PCNT: variants seen among roughly 807,000 people sequenced by gnomAD.
PCNT encodes the protein kendrin.
A neutral mutation model predicts 380.4 loss-of-function variants in PCNT; 319 were observed. The ratio of observed to expected loss-of-function variants is 0.84; its 90% confidence interval spans 0.77 to 0.92. The LOEUF is 0.92. Ranked by LOEUF, PCNT falls within the 40% of genes least tolerant of loss-of-function variation. PCNT has a pLI of 0.00. For synonymous variants in PCNT, 1,845 were observed against 1,735.2 expected (o/e 1.06, Z -1.57); for missense variants, 4,400 against 4,255.3 (o/e 1.03, Z -0.95).
intron 26 of PCNT, 73 bp downstream of exon 26, chr21:46,401,794 G>C: frequency 7.1e-7 from 1 of 1,406,300 alleles, no homozygotes; most frequent in Non-Finnish European, 1.0e-6. Context: ...TGGCAGATCC[G>C]ATGTCCAGAT....
chr21:46,415,951 C>T (rs1602026692), intron 29 of PCNT, 118 bp from the exon 30 acceptor site: 4 of 871,704 alleles, frequency 4.6e-6, no homozygotes, highest in South Asian at 2.8e-5. Context: ...GTGCAGGGCT[C>T]ATTGTGGAAT....
At chr21:46,411,110 A>G in intron 27 of PCNT, 79 bp from the exon 28 acceptor site, 1 of 1,377,410 alleles carries the variant, frequency 7.3e-7, no homozygotes, top group Non-Finnish European at 1.0e-6. Context: ...GAATGCATTC[A>G]GGATGTAACG....
At chr21:46,346,622 G>T in intron 4 of PCNT, 121 bp from the exon 5 acceptor site, 1 of 1,270,146 alleles carries the variant, frequency 7.9e-7, no homozygotes, top group Non-Finnish European at 1.1e-6. Context: ...TGCTTCCACG[G>T]GATGTCTGCT....
chr21:46,363,698 T>G lies in PCNT; in HGVS notation c.2373T>G (p.Leu791=). The change falls in exon 14 of 47, where the codon CTT becomes CTG. Residue 791 remains leucine, a synonymous_variant. Transcript: ENST00000359568. ...EKQTIINKFE[L]REAEMRQLQD... ...AGACCATCATAAACAAGTTTGAGCT[T>G]CGAGAAGCTGAAATGAGGCAGCTTC... 1 of 1,614,152 alleles carries G rather than the reference T, an allele frequency of 6.2e-7. No homozygotes were observed. The highest frequency in any genetic ancestry group is 8.5e-7 in the Non-Finnish European group (1 of 1,180,038).
At position 46,334,579 on chromosome 21, in the gene PCNT, C is replaced by G; in HGVS notation, c.450C>G (p.Asp150Glu). The G allele has an allele frequency of 6.4e-7, 1 of 1,573,860 alleles. No individual in the cohort carries two copies. ...AGCGTGGGATGTTCACAGTCAGTGA[C>G]CACCCACCAGAACAGCATGGGATGT... ...PEQRGMFTVS[D>E]HPPEQHGMFT... The change falls in exon 3 of 47, where the codon GAC (aspartate) becomes GAG (glutamate). Residue 150 changes from aspartate to glutamate, a missense_variant. Coordinates refer to ENST00000359568, the MANE Select transcript of PCNT (RefSeq NM_006031.6).
intron 2 of PCNT, among the ~76,000 whole-genome samples, chr21:46,330,807 G>A (rs1376568746): frequency 2.0e-5 from 3 of 152,218 alleles, no homozygotes; most frequent in Admixed American, 6.5e-5. Context: ...CCGTGTGGCC[G>A]AATAATGTCC....
intron 27 of PCNT, among the ~76,000 whole-genome samples, 158 bp downstream of exon 27, chr21:46,402,641 G>T (rs542089806): frequency 6.6e-6 from 1 of 152,302 alleles, no homozygotes; most frequent in South Asian, 2.1e-4. Context: ...GATTCTGCCT[G>T]GGGACATGTG....
At position 46,425,855 on chromosome 21, in the gene PCNT, G is replaced by T. The variant is rs779669784; in HGVS notation, c.7204G>T (p.Glu2402Ter). The change falls in exon 33 of 47, where the codon GAG becomes TAG. Residue 2402 changes from glutamate (E) to a stop codon, truncating the protein, a stop_gained. Transcript: ENST00000359568. LOFTEE classifies it high-confidence loss of function. The surrounding 1 kb of genome is among the most constrained non-coding windows in gnomAD (Gnocchi z 4.2). The part of the protein sequence containing the change: ...VKALLQMVRD[E>*]SHQILALSEG... The stretch of plus-strand genomic sequence containing the variant: ...GGCTTTACTGCAGATGGTGCGTGAC[G>T]AGAGCCACCAGATCCTGGCGCTGTC... 2 of 1,613,592 alleles carry T rather than the reference G, an allele frequency of 1.2e-6. No individual in the cohort carries two copies. Among genetic ancestry groups the T allele is most frequent in the Non-Finnish European group, 1.7e-6 (2 of 1,180,028 alleles).
intron 12 of PCNT, 49 bp from the exon 13 acceptor site, chr21:46,356,925 C>T (rs763806335): frequency 7.1e-6 from 11 of 1,546,982 alleles, no homozygotes; most frequent in Admixed American, 5.0e-5. Context: ...TGGGCTCCAT[C>T]GAGGGCCGGC....
intron 21 of PCNT, among the ~76,000 whole-genome samples, chr21:46,393,386 G>A (rs909120848): frequency 6.6e-6 from 1 of 152,196 alleles, no homozygotes; most frequent in African/African-American, 2.4e-5. Context: ...TGGCGGTGCT[G>A]TTGCATCTGG....
chr21:46,332,248 A>G lies in PCNT; in HGVS notation c.268-2149A>G, dbSNP rs1315178892. On this transcript the variant is annotated intron_variant, in intron 2 of 46. Transcript: ENST00000359568. ...AACTTTGGCTGAAGAAGATTTAACTAGTGCTATAGAAGGCTTAAGAAGTGT... is the reference window on the plus strand; with the variant it reads ...AACTTTGGCTGAAGAAGATTTAACTGGTGCTATAGAAGGCTTAAGAAGTGT... Among the ~76,000 whole-genome samples, 3 of 152,240 alleles carry G rather than the reference A, an allele frequency of 2.0e-5. No homozygotes were observed. In the East Asian group the frequency reaches 5.8e-4, roughly 29 times the overall value.
chr21:46,355,317 C>T lies in PCNT; in HGVS notation c.1762-135C>T, dbSNP rs1450905938. 26 of 912,868 alleles carry T rather than the reference C, an allele frequency of 2.8e-5. No homozygotes were observed. In the East Asian group the frequency reaches 4.6e-4, roughly 16 times the overall value. 56.5% of individuals were successfully genotyped at this position (912,868 alleles called of 1,614,324 possible). ...AGTGGGCTGGCGGGGTTCACCAGGG[C>T]GCAGCGTGTGGTCTCATGAACCTAG... is the stretch of plus-strand genomic sequence containing the variant. On this transcript the variant is annotated intron_variant, in intron 11 of 46. Transcript: ENST00000359568.
intron 6 of PCNT, among the ~76,000 whole-genome samples, chr21:46,347,907 G>T (rs1216289887): frequency 6.6e-6 from 1 of 152,174 alleles, no homozygotes; most frequent in Non-Finnish European, 1.5e-5. Flanking sequence ...TTTTGGGTGG[G>T]GTGGGTTGCA....
chr21:46,368,087 C>T (rs1175849691), intron 15 of PCNT, among the ~76,000 whole-genome samples: 3 of 151,996 alleles, frequency 2.0e-5, no homozygotes, highest in East Asian at 1.9e-4. Context: ...CCCAGGAAGT[C>T]GAGGCTGCAG....
At chr21:46,335,228 A>C (rs1380465040) in intron 3 of PCNT, among the ~76,000 whole-genome samples, 1 of 152,170 alleles carries the variant, frequency 6.6e-6, no homozygotes, top group Non-Finnish European at 1.5e-5. Flanking sequence ...AGAGCCTGGC[A>C]GGGCAGGGAG....
intron 32 of PCNT, among the ~76,000 whole-genome samples, chr21:46,423,536 T>C (rs1361840483): frequency 2.0e-5 from 3 of 151,660 alleles, no homozygotes; most frequent in Non-Finnish European, 2.9e-5. Context: ...TTTCTGTTAG[T>C]GTTTCCTATG....
At chr21:46,331,682 C>T (rs377734993) in intron 2 of PCNT, among the ~76,000 whole-genome samples, 11 of 152,236 alleles carry the variant, frequency 7.2e-5, no homozygotes, top group Middle Eastern at 3.4e-3. Flanking sequence ...GGGAGGATCA[C>T]CTGCGCCCAG....
rs765585626 is a variant in PCNT at position 46,349,784 on chromosome 21, C to T, written c.1308C>T (p.Phe436=). ...EHGRCLEDLE[F]KFKESEKEKQ... is the part of the protein sequence containing the mutation. The stretch of plus-strand genomic sequence containing the variant: ...GCCGGTGTTTAGAAGACTTGGAGTT[C>T]AAGTTCAAAGAGAGCGAGAAAGAAA... Residue 436 remains phenylalanine (F), a synonymous_variant, in exon 8 of 47, where the codon TTC becomes TTT. Transcript: ENST00000359568. 1 of 1,614,084 alleles carries T rather than the reference C, an allele frequency of 6.2e-7. No individual in the cohort carries two copies.
At chr21:46,365,049 T>G (rs1601848491) in intron 14 of PCNT, among the ~76,000 whole-genome samples, 1 of 152,248 alleles carries the variant, frequency 6.6e-6, no homozygotes, top group African/African-American at 2.4e-5. Flanking sequence ...GTGAGGACTC[T>G]CCCTGCCTCT....
Sources: gnomAD v4.1 joint callset for allele counts (sites outside exome capture counted in the v4.1 genomes callset) on GRCh38, gnomAD v4.1.1 for gene constraint, Gnocchi (gnomAD v3.1) non-coding constraint, MANE v1.5 for transcripts, NCBI Gene and HGNC (gene_info 2026-07-23, HGNC 2026-07-21) for gene names.